Variants in NLRX1 observed in about 807,000 individuals in gnomAD.
NLRX1 encodes the protein NLR family member X1.
A neutral mutation model predicts 74.2 loss-of-function variants in NLRX1; 67 were observed. The observed-to-expected ratio is 0.90, with a 90% CI of 0.74 to 1.11. The LOEUF (loss-of-function observed/expected upper bound fraction) is 1.11, where lower values mean the gene tolerates loss of function less well. Ranked by LOEUF, NLRX1 falls within the 50% of genes least tolerant of loss-of-function variation. The pLI is 0.00. For synonymous variants in NLRX1, 506 were observed against 559.1 expected, an observed-to-expected ratio of 0.91 and a Z score of 1.34; for missense variants, 1,191 against 1,305.4, an observed-to-expected ratio of 0.91 and a Z score of 1.35.
chr11:119,169,784 G>C (rs1319950952), intron 1 of NLRX1, among the ~76,000 whole-genome samples: 1 of 152,092 alleles, frequency 6.6e-6, no homozygotes, highest in African/African-American at 2.4e-5. Flanking sequence ...GAGCCCAGGA[G>C]TTCGAGACCA....
At chr11:119,182,068 T>C in intron 8 of NLRX1, 26 bp from the exon 9 acceptor site, 1 of 1,610,018 alleles carries the variant, frequency 6.2e-7, no homozygotes, top group Middle Eastern at 1.7e-4. Flanking sequence ...TGAGCCCTCA[T>C]AACCTTGGGT....
chr11:119,174,718 C>T lies in NLRX1; in HGVS notation c.1115C>T (p.Ser372Phe). ...HQIAAACFLPSYCWLVCATLH... is the reference protein window; with the variant it reads ...HQIAAACFLPFYCWLVCATLH... ...ATAGCCGCTGCCTGCTTCCTGCCGT[C>T]CTATTGCTGGCTCGTTTGTGCCACC... is the stretch of plus-strand genomic sequence containing the variant. Residue 372 changes from serine (S) to phenylalanine (F), a missense_variant, in exon 6 of 10, where the codon TCC becomes TTC. Physicochemically the swap from Ser to Phe is radical, Grantham distance 155. Transcript: ENST00000409109. 1 of 1,613,958 alleles carries T rather than the reference C, an allele frequency of 6.2e-7. No individual in the cohort carries two copies. Among genetic ancestry groups the T allele is most frequent in the Non-Finnish European group, 8.5e-7 (1 of 1,180,052 alleles).
chr11:119,172,986 A>T lies in NLRX1; in HGVS notation c.226A>T (p.Thr76Ser). ...HGRLFPSASA[T>S]EAIQRHRRNL... Reference sequence around the variant, plus strand: ...ACGGCTGTTCCCCAGCGCCTCTGCAACTGGTAAAGGGACTGGCTGGGACCC... The same window carrying T: ...ACGGCTGTTCCCCAGCGCCTCTGCATCTGGTAAAGGGACTGGCTGGGACCC... The change falls in exon 4 of 10, where the codon ACT becomes TCT. Residue 76 changes from threonine to serine, a missense_variant. Coordinates refer to ENST00000409109, the MANE Select transcript of NLRX1 (RefSeq NM_001282144.2). 6.2e-7 allele frequency: 1 copy of T among 1,612,962 alleles called. No individual in the cohort carries two copies. The highest frequency in any genetic ancestry group is 1.3e-5 in the African/African-American group (1 of 74,956).
At position 119,183,761 on chromosome 11, in the gene NLRX1, C is replaced by T; in HGVS notation, c.*322C>T. On this transcript the variant is annotated 3_prime_UTR_variant, in exon 10 of 10. Coordinates refer to ENST00000409109, the MANE Select transcript of NLRX1 (RefSeq NM_001282144.2). This position sits in a 1 kb window ranked among gnomAD's most constrained non-coding sequence, Gnocchi z 5.7. ...CCACTACCAACCTTGCCTCCCCCTC[C>T]TCTCAAAGAGCCTCTGACTGTGTCA... 2.6e-6 allele frequency: 2 copies of T among 780,034 alleles called. No homozygotes were observed. Among genetic ancestry groups the T allele is most frequent in the South Asian group, 2.7e-5 (2 of 74,482 alleles). 48.3% of individuals were successfully genotyped at this position (780,034 alleles called of 1,614,324 possible). A position where few individuals can be genotyped will look rare whatever the true frequency, so the allele number is the denominator to read the frequency against.
In NLRX1 at chr11:119,174,920, C is replaced by CCG; in HGVS notation, c.1319_1320dup (p.Lys441AlafsTer35). 6.2e-7 allele frequency: 1 copy of CCG among 1,614,064 alleles called. No individual in the cohort carries two copies. The highest frequency in any genetic ancestry group is 8.5e-7 in the Non-Finnish European group (1 of 1,180,048). On this transcript the variant is annotated frameshift_variant, in exon 6 of 10. Transcript: ENST00000409109. LOFTEE classifies it high-confidence loss of function. ...AGTTGGCCTATGAGGGGGTGTCCTC[C>CCG]CGCAAGACCTACTTCTCTGAAGAGG...
Position 119,171,488 on chromosome 11 carries a change from G to C in NLRX1, c.70+15G>C. 1.9e-6 allele frequency: 3 copies of C among 1,597,414 alleles called. No homozygotes were observed. Among genetic ancestry groups the C allele is most frequent in the Non-Finnish European group, 2.6e-6 (3 of 1,165,002 alleles). On this transcript the variant is annotated intron_variant, in intron 2 of 9. Transcript: ENST00000409109. ...CCAGCGACCAGGTGAGCAGGAAGCA[G>C]GGGTTTCTGTTTTTACCTCTTTCTT... is the stretch of plus-strand genomic sequence containing the variant.
At chr11:119,170,173 G>T (rs1293600498) in intron 1 of NLRX1, among the ~76,000 whole-genome samples, 2 of 152,124 alleles carry the variant, frequency 1.3e-5, no homozygotes, top group Admixed American at 6.5e-5. Context: ...AAAATAGCTT[G>T]TGGGAGCCCA....
intron 6 of NLRX1, 97 bp from the exon 7 acceptor site, chr11:119,179,596 G>T: frequency 9.7e-7 from 1 of 1,032,758 alleles, no homozygotes; most frequent in Admixed American, 2.3e-5. Context: ...GGAGATCACA[G>T]GGCTGGAGCA....
At chr11:119,182,443 G>T in intron 9 of NLRX1, 98 bp downstream of exon 9, 1 of 1,483,056 alleles carries the variant, frequency 6.7e-7, no homozygotes, top group African/African-American at 1.4e-5. Context: ...CTGGGCCTGG[G>T]CCTGGTGCCT....
At chr11:119,181,900 C>G (rs982046412) in intron 8 of NLRX1, among the ~76,000 whole-genome samples, 194 bp from the exon 9 acceptor site, 1 of 152,180 alleles carries the variant, frequency 6.6e-6, no homozygotes, top group Admixed American at 6.5e-5. Context: ...CGCCACACCC[C>G]CTATTGCTCC....
chr11:119,177,511 C>T (rs1202802241), intron 6 of NLRX1, among the ~76,000 whole-genome samples: 1 of 151,486 alleles, frequency 6.6e-6, no homozygotes, highest in Non-Finnish European at 1.5e-5. Flanking sequence ...GTCTGTAATC[C>T]CAGCTACTCG....
intron 6 of NLRX1, 30 bp from the exon 7 acceptor site, chr11:119,179,663 C>A: frequency 6.4e-7 from 1 of 1,561,534 alleles, no homozygotes; most frequent in Non-Finnish European, 8.7e-7. Context: ...CATGGAAGGC[C>A]ACAGTGACTC....
chr11:119,173,173 TTA>T lies in NLRX1; in HGVS notation c.229+188_229+189del. The T allele has an allele frequency of 3.2e-6, 2 of 625,778 alleles. No homozygotes were observed. Among genetic ancestry groups the T allele is most frequent in the Non-Finnish European group, 5.7e-6 (2 of 352,424 alleles). 38.8% of individuals were successfully genotyped at this position (625,778 alleles called of 1,614,324 possible). ...CCTGCAATACTCTTGCAATGCACAC[TTA>T]TATGTACAAAGCGCTAGGAGAGCCA... On this transcript the variant is annotated intron_variant, in intron 4 of 9. Coordinates refer to ENST00000409109, the MANE Select transcript of NLRX1 (RefSeq NM_001282144.2). The surrounding 1 kb of genome is among the most constrained non-coding windows in gnomAD (Gnocchi z 4.0).
chr11:119,174,188 C>T, intron 5 of NLRX1, 90 bp downstream of exon 5: 1 of 1,481,068 alleles, frequency 6.8e-7, no homozygotes, highest in Non-Finnish European at 9.1e-7. Flanking sequence ...CCCTTCACTT[C>T]CCAGTGGTGC....
At position 119,171,365 on chromosome 11, in the gene NLRX1, C is replaced by A. The variant is rs767778383; in HGVS notation, c.-39C>A. The A allele has an allele frequency of 5.5e-5, 88 of 1,610,212 alleles. No homozygotes were observed. The highest frequency in any genetic ancestry group is 6.0e-5 in the Non-Finnish European group (71 of 1,178,662). ...ACTATTCTTCTTGCAGGACAGAAGT[C>A]GGTCCTAGGCCCCCCAGGCTCTGAC... On this transcript the variant is annotated 5_prime_UTR_variant, in exon 2 of 10. Coordinates refer to ENST00000409109, the MANE Select transcript of NLRX1 (RefSeq NM_001282144.2).
chr11:119,177,585 G>A (rs1241274358), intron 6 of NLRX1, among the ~76,000 whole-genome samples: 12 of 149,940 alleles, frequency 8.0e-5, no homozygotes, highest in African/African-American at 2.2e-4. Flanking sequence ...CTGAGATCGC[G>A]CCACTGTACT....
chr11:119,179,643 T>TGAACAAGCACATGGAAGGCC, intron 6 of NLRX1, 50 bp from the exon 7 acceptor site: 1 of 1,489,628 alleles, frequency 6.7e-7, no homozygotes, highest in Non-Finnish European at 9.1e-7. Context: ...CCTTGAAGGC[T>TGAACAAGCACATGGAAGGCC]GAACAGGCAC....
chr11:119,173,705 G>A lies in NLRX1; in HGVS notation c.456G>A (p.Pro152=), dbSNP rs150603547. Residue 152 remains proline (P), a synonymous_variant, in exon 5 of 10, where the codon CCG becomes CCA. Transcript: ENST00000409109. This position sits in a 1 kb window ranked among gnomAD's most constrained non-coding sequence, Gnocchi z 4.0. The stretch of plus-strand genomic sequence containing the variant: ...TGGCCTTGTCTCAGCTCTTTAACCC[G>A]GATGCCTGTGGGCGCCGGGTGCAGA... ...PPLALSQLFN[P]DACGRRVQTV... 1.4e-5 allele frequency: 22 copies of A among 1,613,832 alleles called. No homozygotes were observed. The highest frequency in any genetic ancestry group is 1.7e-5 in the Admixed American group (1 of 60,004).
chr11:119,176,309 G>A (rs1231947988), intron 6 of NLRX1, among the ~76,000 whole-genome samples: 1 of 152,168 alleles, frequency 6.6e-6, no homozygotes, highest in Non-Finnish European at 1.5e-5. Flanking sequence ...GTGCAGTGGT[G>A]CAATCATAGC....
Sources: allele counts gnomAD v4.1 joint callset (sites outside exome capture counted in the v4.1 genomes callset), GRCh38; gene constraint gnomAD v4.1.1; non-coding constraint Gnocchi (gnomAD v3.1); transcripts MANE v1.5; gene names NCBI Gene and HGNC (gene_info 2026-07-23, HGNC 2026-07-21).